Variants in ZNF66 observed in about 807,000 individuals in gnomAD.
ZNF66 encodes the protein zinc finger protein 66.
ZNF66 carries 32 observed loss-of-function variants against 35.2 expected under a neutral mutation model. The observed-to-expected ratio is 0.91, with a 90% CI of 0.69 to 1.22. The LOEUF is 1.22. Ranked by LOEUF, ZNF66 falls within the 50% of genes most tolerant of loss-of-function variation. The probability of loss-of-function intolerance (pLI) is 0.00; values close to 1 mark genes in which losing one functional copy is unlikely to be tolerated. For synonymous variants in ZNF66, 231 were observed against 181.3 expected (o/e 1.27, Z -2.20); for missense variants, 666 against 543.1 (o/e 1.23, Z -2.25).
At chr19:20,784,828 A>G (rs2144894548) in intron 1 of ZNF66, 2 of 152,354 alleles carry the variant, frequency 1.3e-5, no homozygotes, top group East Asian at 3.9e-4. Flanking sequence ...TAACAATCTT[A>G]TATCTAATCT....
In ZNF66 at chr19:20,805,895, A is replaced by G. The variant is rs765927729; in HGVS notation, c.295A>G (p.Ile99Val). Residue 99 changes from isoleucine to valine, a missense_variant, in exon 4 of 4, where the codon ATA (isoleucine) becomes GTA (valine). Transcript: ENST00000344519. ...CATAAAAGATTCTTTCCAAAAACTGATACTGAGAAGGCATAAAAAATGTGG... is the reference window on the plus strand; with the variant it reads ...CATAAAAGATTCTTTCCAAAAACTGGTACTGAGAAGGCATAAAAAATGTGG... ...QSIKDSFQKL[I>V]LRRHKKCGHD... 6.0e-6 allele frequency: 4 copies of G among 661,314 alleles called. No individual in the cohort carries two copies. The highest frequency in any genetic ancestry group is 8.2e-6 in the Non-Finnish European group (3 of 365,144). 41.0% of individuals were successfully genotyped at this position (661,314 alleles called of 1,614,324 possible).
rs182710691 is a variant in ZNF66, at chr19:20,806,781, A to G, written c.1181A>G (p.Lys394Arg). Residue 394 changes from lysine to arginine, a missense_variant, in exon 4 of 4, where the codon AAG becomes AGG. Coordinates refer to ENST00000344519, the MANE Select transcript of ZNF66 (RefSeq NM_001355197.2). ...GCACATAAGATAATTCATACTGGAA[A>G]GAAACCTTACAAATGTGAAGAATGT... ...LTAHKIIHTG[K>R]KPYKCEECGK... is the part of the protein sequence containing the mutation. 794 of 1,321,314 alleles carry G rather than the reference A, an allele frequency of 6.0e-4. 12 individuals are homozygous for G. In the South Asian group the frequency reaches 7.8e-3, roughly 13 times the overall value. The allele number at this position is 1,321,314 out of a possible 1,614,324, so 81.8% of individuals were successfully genotyped here.
chr19:20,780,994 C>T (rs1441162219), intron 1 of ZNF66, among the ~76,000 whole-genome samples: 3 of 152,154 alleles, frequency 2.0e-5, no homozygotes, highest in Non-Finnish European at 4.4e-5. Context: ...CCTAGTGTTT[C>T]TTGCCAAGAA....
At chr19:20,779,229 C>T (rs1397572531) in intron 1 of ZNF66, among the ~76,000 whole-genome samples, 1 of 151,688 alleles carries the variant, frequency 6.6e-6, no homozygotes, top group African/African-American at 2.4e-5. Context: ...AAATGAATTC[C>T]AAAAAATTAT....
chr19:20,801,834 G>T (rs1971450730), intron 3 of ZNF66, among the ~76,000 whole-genome samples: 1 of 150,658 alleles, frequency 6.6e-6, no homozygotes, highest in Admixed American at 6.6e-5. Context: ...TTGCCATGTT[G>T]CCCAGGCTGA....
At chr19:20,801,307 A>G (rs1181679435) in intron 3 of ZNF66, among the ~76,000 whole-genome samples, 1 of 141,086 alleles carries the variant, frequency 7.1e-6, no homozygotes, top group African/African-American at 2.6e-5. Context: ...TTTTTTTAAT[A>G]TTTTCATTAT....
At chr19:20,788,300 G>T (rs1393026042) in intron 1 of ZNF66, among the ~76,000 whole-genome samples, 2 of 151,122 alleles carry the variant, frequency 1.3e-5, no homozygotes, top group African/African-American at 4.9e-5. Flanking sequence ...GCATCATATG[G>T]TTGGTACAAT....
Position 20,805,971 on chromosome 19 carries a change from A to C in ZNF66, c.371A>C (p.Lys124Thr). Reference protein sequence around the residue: ...KKGCESVDKCKVHKRGYNGLN... With the variant: ...KKGCESVDKCTVHKRGYNGLN... ...GGCTGTGAAAGTGTGGATAAGTGTA[A>C]AGTGCACAAAAGAGGTTATAATGGA... The change falls in exon 4 of 4, where the codon AAA (lysine) becomes ACA (threonine). Residue 124 changes from lysine to threonine, a missense_variant. Physicochemically the swap from Lys to Thr is moderately conservative, Grantham distance 78. Transcript: ENST00000344519. The C allele has an allele frequency of 1.3e-6, 1 of 746,188 alleles. No individual in the cohort carries two copies. Among genetic ancestry groups the C allele is most frequent in the Non-Finnish European group, 2.4e-6 (1 of 423,404 alleles). 46.2% of individuals were successfully genotyped at this position (746,188 alleles called of 1,614,324 possible).
At position 20,783,584 on chromosome 19, in the gene ZNF66, A is replaced by G. The variant is rs1474528651; in HGVS notation, c.3+7134A>G. ...TTAGTTAAAACTCATTTAAGAGCAC[A>G]CAGAAGCATAGCACAAAGATAAAAT... On this transcript the variant is annotated intron_variant, in intron 1 of 3. Coordinates refer to ENST00000344519, the MANE Select transcript of ZNF66 (RefSeq NM_001355197.2). Among the ~76,000 whole-genome samples the G allele has an allele frequency of 2.6e-5, 4 of 152,328 alleles. No individual in the cohort carries two copies. The East Asian group carries it at 7.7e-4, about 29-fold the overall frequency.
chr19:20,781,513 CT>C (rs113379208), intron 1 of ZNF66, among the ~76,000 whole-genome samples: 20,172 of 145,440 alleles, frequency 0.14, 1,525 homozygotes, highest in African/African-American at 0.2. Context: ...ATTATTTTAT[CT>C]TTTTTTTTTT....
chr19:20,799,353 C>T (rs1360601978), intron 3 of ZNF66: 3 of 152,044 alleles, frequency 2.0e-5, no homozygotes, highest in Non-Finnish European at 2.9e-5. Flanking sequence ...TGAGCTACTG[C>T]ACCTGGCCTG....
intron 3 of ZNF66, among the ~76,000 whole-genome samples, chr19:20,803,142 C>A (rs1335541156): frequency 6.6e-6 from 1 of 152,022 alleles, no homozygotes; most frequent in Non-Finnish European, 1.5e-5. Flanking sequence ...TGTAAAAAGG[C>A]AAGTTGAATC....
intron 3 of ZNF66, among the ~76,000 whole-genome samples, chr19:20,795,082 C>T (rs976085841): frequency 2.6e-5 from 4 of 151,918 alleles, no homozygotes; most frequent in African/African-American, 9.7e-5. Context: ...ACCATGTTGG[C>T]AAGGCTGGTC....
chr19:20,806,283 G>A lies in ZNF66; in HGVS notation c.683G>A (p.Arg228Gln), dbSNP rs749001203. Residue 228 changes from arginine (R) to glutamine (Q), a missense_variant, in exon 4 of 4, where the codon CGG becomes CAG. Physicochemically the swap from Arg to Gln is conservative, Grantham distance 43. Transcript: ENST00000344519. The stretch of plus-strand genomic sequence containing the variant: ...AAGATAATTCATACTGGAGAGAAAC[G>A]GTACAAATGTGAAGACTGTGGCAAA... ...THKIIHTGEKRYKCEDCGKAF... is the reference protein window; with the variant it reads ...THKIIHTGEKQYKCEDCGKAF... 14 of 1,464,642 alleles carry A rather than the reference G, an allele frequency of 9.6e-6. No individual in the cohort carries two copies. Among genetic ancestry groups the A allele is most frequent in the South Asian group, 3.4e-5 (3 of 87,508 alleles). 90.7% of individuals were successfully genotyped at this position (1,464,642 alleles called of 1,614,324 possible). A position where few individuals can be genotyped will look rare whatever the true frequency, so the allele number is the denominator to read the frequency against.
chr19:20,804,326 C>T (rs1285631566), intron 3 of ZNF66, among the ~76,000 whole-genome samples: 1 of 151,996 alleles, frequency 6.6e-6, no homozygotes, highest in Non-Finnish European at 1.5e-5. Context: ...TCACTGCAAC[C>T]TCCATCTCCC....
At chr19:20,776,614 C>G in intron 1 of ZNF66, 164 bp downstream of exon 1, 1 of 1,050,822 alleles carries the variant, frequency 9.5e-7, no homozygotes, top group Non-Finnish European at 1.4e-6. Context: ...GCCTGGCCCC[C>G]GGGCGTCCTG....
chr19:20,786,383 C>G (rs1971287324), intron 1 of ZNF66, among the ~76,000 whole-genome samples: 1 of 152,122 alleles, frequency 6.6e-6, no homozygotes, highest in African/African-American at 2.4e-5. Flanking sequence ...GAAACTGATT[C>G]AGAGAATATG....
intron 1 of ZNF66, among the ~76,000 whole-genome samples, chr19:20,786,874 G>A (rs6511162): frequency 0.38 from 58,251 of 151,966 alleles, 11,715 homozygotes; most frequent in East Asian, 0.46. Flanking sequence ...CAGTTCTTCT[G>A]TCTCAGCCTC....
intron 3 of ZNF66, among the ~76,000 whole-genome samples, chr19:20,800,263 A>G (rs1971435996): frequency 1.3e-5 from 2 of 152,082 alleles, no homozygotes; most frequent in Admixed American, 1.3e-4. Context: ...TGGATCTCCC[A>G]AAGTGTTAGA....
Sources: gnomAD v4.1 joint callset for allele counts (sites outside exome capture counted in the v4.1 genomes callset) on GRCh38, gnomAD v4.1.1 for gene constraint, MANE v1.5 for transcripts, NCBI Gene and HGNC (gene_info 2026-07-23, HGNC 2026-07-21) for gene names.